Variants in TBXAS1 observed in about 807,000 individuals in gnomAD.
TBXAS1 encodes thromboxane-A synthase.
A neutral mutation model predicts 60.7 loss-of-function variants in TBXAS1; 48 were observed. That is an observed-to-expected ratio of 0.79 (90% confidence interval 0.63 to 1.01). The LOEUF (loss-of-function observed/expected upper bound fraction) is 1.01, where lower values mean the gene tolerates loss of function less well. Ranked by LOEUF, TBXAS1 falls within the 50% of genes least tolerant of loss-of-function variation. The pLI is 0.00. For synonymous variants in TBXAS1, 287 were observed against 269.7 expected, an observed-to-expected ratio of 1.06 and a Z score of -0.63; for missense variants, 685 against 686.3, an observed-to-expected ratio of 1.00 and a Z score of 0.02.
At position 139,850,721 on chromosome 7, in the gene TBXAS1, A is replaced by G. The variant is rs145429677; in HGVS notation, c.89+21242A>G. Among the ~76,000 whole-genome samples the G allele has an allele frequency of 1.2e-3, 181 of 152,276 alleles. 1 individual carries two copies. The highest frequency in any genetic ancestry group is 4.2e-3 in the African/African-American group (173 of 41,548). On this transcript the variant is annotated intron_variant, in intron 1 of 12. Coordinates refer to ENST00000448866, the MANE Select transcript of TBXAS1 (RefSeq NM_001061.7). ...CTGGCATCCTTATAAGAAGAGTGAAATTTGGATGCTGAGATGGACAGAGGG... is the reference window on the plus strand; with the variant it reads ...CTGGCATCCTTATAAGAAGAGTGAAGTTTGGATGCTGAGATGGACAGAGGG...
At chr7:139,927,374 C>A (rs1806974804) in intron 4 of TBXAS1, among the ~76,000 whole-genome samples, 1 of 130,558 alleles carries the variant, frequency 7.7e-6, no homozygotes, top group African/African-American at 4.1e-5. Context: ...AAACTGACAA[C>A]TTAACACTGA....
intron 1 of TBXAS1, among the ~76,000 whole-genome samples, chr7:139,834,143 C>T (rs1204846606): frequency 6.6e-6 from 1 of 152,130 alleles, no homozygotes; most frequent in African/African-American, 2.4e-5. Context: ...AACTGGAAAT[C>T]ATCTCCAAAA....
chr7:139,984,941 A>AAAG (rs1457595461), intron 9 of TBXAS1, among the ~76,000 whole-genome samples: 8 of 63,686 alleles, frequency 1.3e-4, no homozygotes, highest in African/African-American at 9.1e-4. Flanking sequence ...AGAAAGAAAG[A>AAAG]AAAGAAAAGA....
chr7:139,854,655 G>A (rs1277578354), intron 1 of TBXAS1, among the ~76,000 whole-genome samples: 1 of 152,158 alleles, frequency 6.6e-6, no homozygotes, highest in South Asian at 2.1e-4. Flanking sequence ...ATGTGTTGAA[G>A]GCAGAGTTGA....
chr7:139,970,172 T>C (rs1213848050), intron 9 of TBXAS1, among the ~76,000 whole-genome samples: 1 of 152,190 alleles, frequency 6.6e-6, no homozygotes, highest in African/African-American at 2.4e-5. Context: ...AGTGGCACGA[T>C]CTTGGCTCAC....
intron 1 of TBXAS1, among the ~76,000 whole-genome samples, chr7:139,845,186 C>A (rs144210718): frequency 5.0e-4 from 76 of 152,256 alleles, no homozygotes; most frequent in African/African-American, 1.8e-3. Flanking sequence ...CTTGTGCTCC[C>A]CTAATTTGTC....
At chr7:139,976,175 A>G (rs1243989564) in intron 9 of TBXAS1, among the ~76,000 whole-genome samples, 1 of 152,192 alleles carries the variant, frequency 6.6e-6, no homozygotes, top group Non-Finnish European at 1.5e-5. Flanking sequence ...TCATTGCCAG[A>G]GCTACCTCTG....
chr7:139,875,538 G>C, intron 2 of TBXAS1, 47 bp from the exon 3 acceptor site: 1 of 1,523,728 alleles, frequency 6.6e-7, no homozygotes, highest in Non-Finnish European at 9.1e-7. Context: ...TGAATAATTG[G>C]AATTTTGCTT....
At chr7:139,780,553 G>A (rs1796950572) in intron 1 of TBXAS1, among the ~76,000 whole-genome samples, 1 of 152,164 alleles carries the variant, frequency 6.6e-6, no homozygotes, top group Admixed American at 6.5e-5. Flanking sequence ...CTTGTGTCCA[G>A]CACAACACTA....
intron 4 of TBXAS1, among the ~76,000 whole-genome samples, chr7:139,930,292 G>A (rs79575910): frequency 5.3e-4 from 80 of 152,318 alleles, no homozygotes; most frequent in Non-Finnish European, 1.0e-3. Flanking sequence ...TAGAATGCAA[G>A]CTCTGTGAGG....
At chr7:139,988,681 A>C (rs555646914) in intron 9 of TBXAS1, among the ~76,000 whole-genome samples, 1 of 152,178 alleles carries the variant, frequency 6.6e-6, no homozygotes, top group South Asian at 2.1e-4. Context: ...CCATCAGCCC[A>C]GCTTGCATGG....
At position 139,999,918 on chromosome 7, in the gene TBXAS1, A is replaced by G. The variant is rs1040941291; in HGVS notation, c.1135-7173A>G. Among the ~76,000 whole-genome samples the G allele has an allele frequency of 6.6e-5, 10 of 152,184 alleles. No homozygotes were observed. Among genetic ancestry groups the G allele is most frequent in the Non-Finnish European group, 1.5e-4 (10 of 68,040 alleles). Reference sequence around the variant, plus strand: ...TGATAATTTTTCTATTAGGTCCGTGAATCTCCAGGAAAAATCTTTGTGAAA... The same window carrying G: ...TGATAATTTTTCTATTAGGTCCGTGGATCTCCAGGAAAAATCTTTGTGAAA... On this transcript the variant is annotated intron_variant, in intron 9 of 12. Coordinates refer to ENST00000448866, the MANE Select transcript of TBXAS1 (RefSeq NM_001061.7). This position sits in a 1 kb window ranked among gnomAD's most constrained non-coding sequence, Gnocchi z 4.3.
intron 9 of TBXAS1, among the ~76,000 whole-genome samples, chr7:140,005,480 C>T (rs1217258986): frequency 2.0e-5 from 3 of 152,016 alleles, no homozygotes; most frequent in African/African-American, 4.8e-5. Context: ...CTCAAGACAG[C>T]GCCACAGAGG....
intron 9 of TBXAS1, among the ~76,000 whole-genome samples, chr7:139,968,546 C>T (rs1455244945): frequency 1.3e-5 from 2 of 152,202 alleles, no homozygotes; most frequent in African/African-American, 4.8e-5. Context: ...CCGCCTGCCT[C>T]AGCCTCCCAA....
chr7:139,880,948 T>G (rs1362737308), intron 3 of TBXAS1, among the ~76,000 whole-genome samples: 1 of 152,230 alleles, frequency 6.6e-6, no homozygotes, highest in Non-Finnish European at 1.5e-5. Context: ...CCTCCCATAC[T>G]TGTCATTAAA....
chr7:139,951,950 A>AAAAAAAAG lies in TBXAS1; in HGVS notation c.451-1415_451-1414insAAAAGAAA, dbSNP rs1221006411. Among the ~76,000 whole-genome samples the AAAAAAAAG allele has an allele frequency of 3.6e-4, 15 of 42,008 alleles. 1 individual carries two copies. The highest frequency in any genetic ancestry group is 4.8e-4 in the Non-Finnish European group (10 of 20,796). 27.6% of individuals were successfully genotyped at this position (42,008 alleles called of 152,430 possible). On this transcript the variant is annotated intron_variant, in intron 5 of 12. Coordinates refer to ENST00000448866, the MANE Select transcript of TBXAS1 (RefSeq NM_001061.7). ...GAAAGAGAGAAAGAAGGAAAGAAAG[A>AAAAAAAAG]AAAGAAAGAAAGAAAGAAAGAAAGA...
At chr7:139,935,161 G>C (rs754152480) in intron 4 of TBXAS1, among the ~76,000 whole-genome samples, 5 of 152,196 alleles carry the variant, frequency 3.3e-5, no homozygotes, top group Non-Finnish European at 7.4e-5. Flanking sequence ...CCATCCCTCA[G>C]TAGCTCGTGG....
intron 9 of TBXAS1, among the ~76,000 whole-genome samples, chr7:139,983,285 A>G (rs555357214): frequency 5.3e-5 from 8 of 152,292 alleles, no homozygotes; most frequent in African/African-American, 1.9e-4. Flanking sequence ...ATGTGCTCTC[A>G]CTGGGATTGG....
Position 140,013,329 on chromosome 7 carries a change from T to C in TBXAS1, c.1227-2394T>C, listed in dbSNP as rs1200266548. Among the ~76,000 whole-genome samples, 1 of 152,214 alleles carries C rather than the reference T, an allele frequency of 6.6e-6. No individual in the cohort carries two copies. Among genetic ancestry groups the C allele is most frequent in the Non-Finnish European group, 1.5e-5 (1 of 68,044 alleles). ...TTCTTGGTTCAGAGGTTTATCTTCC[T>C]CGGCAAGAATTTTCTGGAGCAGAGA... is the stretch of plus-strand genomic sequence containing the variant. On this transcript the variant is annotated intron_variant, in intron 10 of 12. Coordinates refer to ENST00000448866, the MANE Select transcript of TBXAS1 (RefSeq NM_001061.7). The surrounding 1 kb of genome is among the most constrained non-coding windows in gnomAD (Gnocchi z 4.2).
Sources: gnomAD v4.1 joint callset for allele counts (sites outside exome capture counted in the v4.1 genomes callset) on GRCh38, gnomAD v4.1.1 for gene constraint, Gnocchi (gnomAD v3.1) non-coding constraint, MANE v1.5 for transcripts, NCBI Gene and HGNC (gene_info 2026-07-23, HGNC 2026-07-21) for gene names.